The following TYW1 variants were observed in gnomAD, a reference collection of about 807,000 sequenced individuals.
TYW1 encodes S-adenosyl-L-methionine-dependent tRNA 4-demethylwyosine synthase TYW1.
A neutral mutation model predicts 96.2 loss-of-function variants in TYW1; 46 were observed. The observed-to-expected ratio is 0.48, with a 90% CI of 0.38 to 0.61. The LOEUF (loss-of-function observed/expected upper bound fraction) is 0.61, where lower values mean the gene tolerates loss of function less well. Ranked by LOEUF, TYW1 falls within the 20% of genes least tolerant of loss-of-function variation. TYW1 has a pLI of 0.00. For synonymous variants in TYW1, 274 were observed against 323.0 expected (o/e 0.85, Z 1.63); for missense variants, 684 against 909.6 (o/e 0.75, Z 3.19).
At chr7:67,087,323 G>T (rs1796579173) in intron 11 of TYW1, among the ~76,000 whole-genome samples, 1 of 152,120 alleles carries the variant, frequency 6.6e-6, no homozygotes, top group Non-Finnish European at 1.5e-5. Context: ...ACGTTAATCA[G>T]CAGGCATCTC....
chr7:67,089,814 A>T (rs1369624878), intron 11 of TYW1, among the ~76,000 whole-genome samples: 5 of 152,182 alleles, frequency 3.3e-5, no homozygotes, highest in Admixed American at 2.6e-4. Flanking sequence ...ATACATACAA[A>T]ATTAACTTTG....
At chr7:67,195,113 TTCTATGA>T in intron 14 of TYW1, 50 bp from the exon 15 acceptor site, 1 of 1,566,092 alleles carries the variant, frequency 6.4e-7, no homozygotes, top group Non-Finnish European at 8.6e-7. Flanking sequence ...GAAAGTCTTC[TTCTATGA>T]CATGCAGGTA....
At chr7:67,022,199 C>T (rs150915322) in intron 6 of TYW1, among the ~76,000 whole-genome samples, 172 of 152,316 alleles carry the variant, frequency 1.1e-3, no homozygotes, top group Middle Eastern at 6.8e-3. Flanking sequence ...AAGTGTGAGC[C>T]ACTGCACCCA....
chr7:67,113,969 C>T (rs541474825), intron 12 of TYW1, among the ~76,000 whole-genome samples: 85 of 152,148 alleles, frequency 5.6e-4, no homozygotes, highest in African/African-American at 1.8e-3. Context: ...TCCTTGCACA[C>T]GTTACTTAAC....
At chr7:67,131,446 C>T (rs530431925) in intron 13 of TYW1, among the ~76,000 whole-genome samples, 1 of 152,152 alleles carries the variant, frequency 6.6e-6, no homozygotes, top group Non-Finnish European at 1.5e-5. Flanking sequence ...CATTTGCAGT[C>T]TCTGTGGACC....
chr7:67,050,213 G>T (rs1795312557), intron 8 of TYW1, 147 bp downstream of exon 8: 8 of 986,234 alleles, frequency 8.1e-6, no homozygotes, highest in Admixed American at 2.7e-5. Flanking sequence ...TTATTTCTGC[G>T]GATTGCTTCT....
chr7:67,033,573 C>T (rs1488361557), intron 7 of TYW1, among the ~76,000 whole-genome samples: 2 of 152,146 alleles, frequency 1.3e-5, no homozygotes, highest in East Asian at 3.8e-4. Flanking sequence ...CCTGTAGCCT[C>T]TCTCCTTTTG....
intron 5 of TYW1, among the ~76,000 whole-genome samples, chr7:67,016,346 G>A (rs1463864962): frequency 6.6e-6 from 1 of 151,320 alleles, no homozygotes; most frequent in Non-Finnish European, 1.5e-5. Flanking sequence ...TCGGGAGTTC[G>A]ACCCCAGCCT....
At chr7:67,185,580 T>A (rs1799992711) in intron 14 of TYW1, among the ~76,000 whole-genome samples, 1 of 152,214 alleles carries the variant, frequency 6.6e-6, no homozygotes, top group Admixed American at 6.5e-5. Flanking sequence ...AACTGTTTGC[T>A]GAGATACAGG....
At chr7:67,172,502 C>T (rs1207814102) in intron 13 of TYW1, among the ~76,000 whole-genome samples, 1 of 151,628 alleles carries the variant, frequency 6.6e-6, no homozygotes. Context: ...CTCACTGCAG[C>T]CTCTGCCTCC....
intron 13 of TYW1, among the ~76,000 whole-genome samples, chr7:67,143,556 A>C (rs1389943953): frequency 1.3e-5 from 2 of 152,214 alleles, no homozygotes; most frequent in African/African-American, 2.4e-5. Context: ...TTGCGGAAGC[A>C]GGCAGAGTTT....
chr7:67,169,698 C>G (rs944101447), intron 13 of TYW1, among the ~76,000 whole-genome samples: 3 of 152,194 alleles, frequency 2.0e-5, no homozygotes, highest in African/African-American at 7.2e-5. Context: ...TGCTCCCAGC[C>G]TAGAACTTCA....
At chr7:67,204,929 C>A (rs1800733256) in intron 15 of TYW1, among the ~76,000 whole-genome samples, 1 of 152,166 alleles carries the variant, frequency 6.6e-6, no homozygotes, top group Admixed American at 6.5e-5. Flanking sequence ...CCCATTGAAG[C>A]ACATTTGTGA....
intron 15 of TYW1, among the ~76,000 whole-genome samples, chr7:67,228,488 G>A (rs1801637297): frequency 6.6e-6 from 1 of 152,168 alleles, no homozygotes; most frequent in Admixed American, 6.5e-5. Flanking sequence ...TGAGATTTGG[G>A]TGGAAACACA....
At chr7:67,184,487 T>G (rs1037465652) in intron 14 of TYW1, among the ~76,000 whole-genome samples, 23 of 152,098 alleles carry the variant, frequency 1.5e-4, no homozygotes, top group Admixed American at 2.6e-4. Flanking sequence ...AGTGTTTCTT[T>G]GGGATAGATT....
chr7:67,010,955 A>G (rs1282631762), intron 4 of TYW1, among the ~76,000 whole-genome samples: 1 of 152,208 alleles, frequency 6.6e-6, no homozygotes, highest in Non-Finnish European at 1.5e-5. Flanking sequence ...GACCATGGGC[A>G]ATCCAACCAA....
At chr7:67,013,632 A>G (rs547148321) in intron 4 of TYW1, among the ~76,000 whole-genome samples, 273 of 151,842 alleles carry the variant, frequency 1.8e-3, no homozygotes, top group African/African-American at 4.7e-3. Context: ...AAGCAGGAAC[A>G]TGAGCTGTTG....
At chr7:67,102,827 A>G (rs1226761451) in intron 12 of TYW1, among the ~76,000 whole-genome samples, 1 of 151,812 alleles carries the variant, frequency 6.6e-6, no homozygotes, top group Non-Finnish European at 1.5e-5. Context: ...AATTTTTTGT[A>G]TTTTTAGTAG....
At chr7:67,012,129 A>G (rs1465466176) in intron 4 of TYW1, among the ~76,000 whole-genome samples, 3 of 152,086 alleles carry the variant, frequency 2.0e-5, no homozygotes, top group Non-Finnish European at 4.4e-5. Context: ...AGGCTGGTGG[A>G]TCGCTTGAGC....
Sources: gnomAD v4.1 joint callset for allele counts (sites outside exome capture counted in the v4.1 genomes callset) on GRCh38, gnomAD v4.1.1 for gene constraint, MANE v1.5 for transcripts, NCBI Gene and HGNC (gene_info 2026-07-23, HGNC 2026-07-21) for gene names.